The following BCAP29 variants were observed in gnomAD, a reference collection of about 807,000 sequenced individuals.
The protein encoded by BCAP29 is B-cell receptor-associated protein 29.
BCAP29 carries 34 observed loss-of-function variants against 31.8 expected under a neutral mutation model. The ratio of observed to expected loss-of-function variants is 1.07; its 90% CI spans 0.81 to 1.42. The LOEUF (loss-of-function observed/expected upper bound fraction) is 1.42, where lower values mean the gene tolerates loss of function less well. BCAP29 is among the 40% of genes most tolerant of loss of function. BCAP29 has a pLI of 0.00. For missense variants in BCAP29, 314 were observed against 269.2 expected (o/e 1.17, Z -1.16); for synonymous variants, 104 against 91.3 (o/e 1.14, Z -0.79).
In BCAP29 at chr7:107,582,344, A is replaced by G. The variant is rs574636279; in HGVS notation, c.92+1480A>G. Among the ~76,000 whole-genome samples the G allele has an allele frequency of 2.6e-5, 4 of 152,342 alleles. No homozygotes were observed. The East Asian group carries it at 5.8e-4, about 22-fold the overall frequency. On this transcript the variant is annotated intron_variant, in intron 2 of 7. Coordinates refer to ENST00000005259, the MANE Select transcript of BCAP29 (RefSeq NM_018844.4). The stretch of plus-strand genomic sequence containing the variant: ...ATGATATATAAATGTGTTCTCATGT[A>G]CAGATATAAAGAAAATACGGTATGT...
intron 5 of BCAP29, among the ~76,000 whole-genome samples, chr7:107,598,240 G>T (rs1453750151): frequency 6.6e-6 from 1 of 152,296 alleles, no homozygotes; most frequent in South Asian, 2.1e-4. Flanking sequence ...ATTCAGTGAA[G>T]TAATAGCTGG....
intron 6 of BCAP29, among the ~76,000 whole-genome samples, chr7:107,602,630 C>T (rs1479394228): frequency 6.6e-6 from 1 of 151,748 alleles, no homozygotes; most frequent in Admixed American, 6.6e-5. Flanking sequence ...TTACTTAAAT[C>T]TAAGTGAAAC....
In BCAP29 at chr7:107,618,792, G is replaced by A; in HGVS notation, c.*429G>A. On this transcript the variant is annotated 3_prime_UTR_variant, in exon 8 of 8. Coordinates refer to ENST00000005259, the MANE Select transcript of BCAP29 (RefSeq NM_018844.4). Reference sequence around the variant, plus strand: ...TGTTTGAAAATAGTGTTCAATATCAGCAAATTTGTACACAGGGAATGTAAA... The same window carrying A: ...TGTTTGAAAATAGTGTTCAATATCAACAAATTTGTACACAGGGAATGTAAA... The A allele has an allele frequency of 4.6e-6, 2 of 437,466 alleles. No individual in the cohort carries two copies. Among genetic ancestry groups the A allele is most frequent in the South Asian group, 4.1e-5 (1 of 24,102 alleles). The allele number at this position is 437,466 out of a possible 1,614,324, so 27.1% of individuals were successfully genotyped here.
At chr7:107,602,885 C>T (rs73419497) in intron 6 of BCAP29, among the ~76,000 whole-genome samples, 3,602 of 151,040 alleles carry the variant, frequency 0.024, 154 homozygotes, top group African/African-American at 0.081. Context: ...GAAAAACCTT[C>T]TGATGTCCAA....
chr7:107,592,914 A>G (rs1289921309), intron 3 of BCAP29, among the ~76,000 whole-genome samples: 1 of 152,224 alleles, frequency 6.6e-6, no homozygotes, highest in Admixed American at 6.5e-5. Flanking sequence ...ATTGCTGGTC[A>G]CCAGGAGCTG....
rs1301445880 is a variant in BCAP29 at position 107,613,352 on chromosome 7, G to A, written c.610G>A (p.Asp204Asn). The A allele has an allele frequency of 6.2e-7, 1 of 1,610,826 alleles. No homozygotes were observed. Among genetic ancestry groups the A allele is most frequent in the Non-Finnish European group, 8.5e-7 (1 of 1,177,662 alleles). Residue 204 changes from aspartate to asparagine, a missense_variant, in exon 7 of 8, where the codon GAT (aspartate) becomes AAT (asparagine). By Grantham distance (23) the Asp-to-Asn change is conservative (BLOSUM62 1). Transcript: ENST00000005259. ...TCTAGCCCTTTCTAAGGCACAAAAT[G>A]ATGTGATGGAAATGAAGATGCAGTC... ...TSDALSKAQN[D>N]VMEMKMQSER... is the part of the protein sequence containing the mutation.
downstream of BCAP29, chr7:107,621,873 A>T (rs1815005866): frequency 1.9e-6 from 1 of 534,366 alleles, no homozygotes; most frequent in African/African-American, 1.9e-5. Flanking sequence ...TCAAGCTATC[A>T]AGTTTGTGAT....
At chr7:107,595,033 G>A (rs1286912002) in intron 4 of BCAP29, among the ~76,000 whole-genome samples, 17 of 152,100 alleles carry the variant, frequency 1.1e-4, no homozygotes, top group Admixed American at 1.1e-3. Context: ...TATTGATTGA[G>A]TTCTGTGGTG....
chr7:107,605,260 A>T (rs1811877969), intron 6 of BCAP29, among the ~76,000 whole-genome samples: 1 of 152,224 alleles, frequency 6.6e-6, no homozygotes, highest in African/African-American at 2.4e-5. Context: ...TATTCACAGT[A>T]CTAGCAAACA....
Position 107,582,468 on chromosome 7 carries a change from ATTTAGTCT to A in BCAP29, c.93-1413_93-1406del, listed in dbSNP as rs1806876041. ...TAATCTTTAAAGAAAATATTTCATC[ATTTAGTCT>A]CTATTATTTTCTTACATAACCCAGT... is the stretch of plus-strand genomic sequence containing the variant. On this transcript the variant is annotated intron_variant, in intron 2 of 7. Transcript: ENST00000005259. 2.6e-5 allele frequency among the ~76,000 whole-genome samples: 4 copies of A among 152,274 alleles called. No individual in the cohort carries two copies. In the South Asian group the frequency reaches 8.3e-4, roughly 32 times the overall value.
rs974309875 is a variant in BCAP29, at chr7:107,594,174, CA to C, written c.344+70del. On this transcript the variant is annotated intron_variant, in intron 4 of 7. Coordinates refer to ENST00000005259, the MANE Select transcript of BCAP29 (RefSeq NM_018844.4). Reference sequence around the variant, plus strand: ...TTATGCTTTCCTTTCTCATTTTGTCCACCTTTACTGTAGATTTTTTTTTTTT... The same window carrying C: ...TTATGCTTTCCTTTCTCATTTTGTCCCCTTTACTGTAGATTTTTTTTTTTT... 6.9e-5 allele frequency: 98 copies of C among 1,427,502 alleles called. No individual in the cohort carries two copies. In the African/African-American group the frequency reaches 1.1e-3, roughly 15 times the overall value. 88.4% of individuals were successfully genotyped at this position (1,427,502 alleles called of 1,614,324 possible). A position where few individuals can be genotyped will look rare whatever the true frequency, so the allele number is the denominator to read the frequency against.
At chr7:107,582,623 A>G (rs533298163) in intron 2 of BCAP29, among the ~76,000 whole-genome samples, 2 of 152,230 alleles carry the variant, frequency 1.3e-5, no homozygotes, top group African/African-American at 4.8e-5. Context: ...ACTAGTGTCT[A>G]CCCCTTACGG....
chr7:107,604,019 TAAATA>T (rs1294379980), intron 6 of BCAP29, among the ~76,000 whole-genome samples: 1 of 152,154 alleles, frequency 6.6e-6, no homozygotes, highest in East Asian at 1.9e-4. Context: ...AAGCAAACTT[TAAATA>T]AATTTCTTAA....
At chr7:107,596,186 C>T (rs1445790953) in intron 5 of BCAP29, among the ~76,000 whole-genome samples, 184 bp downstream of exon 5, 1 of 152,044 alleles carries the variant, frequency 6.6e-6, no homozygotes, top group Non-Finnish European at 1.5e-5. Context: ...CTTGTTCACA[C>T]TAATATTTTT....
chr7:107,590,304 A>T (rs1237213413), intron 3 of BCAP29, among the ~76,000 whole-genome samples: 1 of 152,154 alleles, frequency 6.6e-6, no homozygotes, highest in Non-Finnish European at 1.5e-5. Context: ...TCTCATTCTG[A>T]TGAAGAGCTA....
rs143920431 is a variant in BCAP29 at position 107,618,490 on chromosome 7, G to T, written c.*127G>T. 2.0e-3 allele frequency: 3,254 copies of T among 1,612,516 alleles called. 4 individuals are homozygous for T. Among genetic ancestry groups the T allele is most frequent in the Non-Finnish European group, 2.1e-3 (2,528 of 1,178,926 alleles). On this transcript the variant is annotated 3_prime_UTR_variant, in exon 8 of 8. Coordinates refer to ENST00000005259, the MANE Select transcript of BCAP29 (RefSeq NM_018844.4). ...GTAATTTTTTTAATGCCACACATAGGTTGTATTGTAATGGCATTATCAAAA... is the reference window on the plus strand; with the variant it reads ...GTAATTTTTTTAATGCCACACATAGTTTGTATTGTAATGGCATTATCAAAA...
intron 7 of BCAP29, chr7:107,616,248 TC>T (rs1814113294): frequency 6.6e-6 from 1 of 152,292 alleles, no homozygotes; most frequent in African/African-American, 2.4e-5. Context: ...TGACTCCAGT[TC>T]CTTCCCTCTA....
intron 3 of BCAP29, among the ~76,000 whole-genome samples, chr7:107,591,657 C>CACACACACACACACACACACACACACA (rs1554475285): frequency 8.2e-4 from 57 of 69,720 alleles, no homozygotes; most frequent in East Asian, 2.5e-3. Context: ...CACACACACA[C>CACACACACACACACACACACACACACA]CCTATTGGTT....
chr7:107,581,659 A>T lies in BCAP29; in HGVS notation c.92+795A>T, dbSNP rs543586930. On this transcript the variant is annotated intron_variant, in intron 2 of 7. Coordinates refer to ENST00000005259, the MANE Select transcript of BCAP29 (RefSeq NM_018844.4). ...TAAAAGAAAGTATTTCATAAGTGAG[A>T]TCCTAGAGATAACCCACTAAAGTGT... Among the ~76,000 whole-genome samples, 3 of 152,320 alleles carry T rather than the reference A, an allele frequency of 2.0e-5. No individual in the cohort carries two copies. In the East Asian group the frequency reaches 5.8e-4, roughly 29 times the overall value.
Sources: allele counts gnomAD v4.1 joint callset (sites outside exome capture counted in the v4.1 genomes callset), GRCh38; gene constraint gnomAD v4.1.1; transcripts MANE v1.5; gene names NCBI Gene and HGNC (gene_info 2026-07-23, HGNC 2026-07-21).